The following DLGAP2 variants were observed in gnomAD, a reference collection of about 807,000 sequenced individuals.
The protein encoded by DLGAP2 is DLG associated protein 2.
Under a neutral mutation model 100.3 loss-of-function variants are expected in DLGAP2, and 26 were observed. The observed-to-expected ratio is 0.26, with a 90% CI of 0.19 to 0.36. DLGAP2 has a LOEUF of 0.36. DLGAP2 is among the 10% of genes least tolerant of loss of function. The probability of loss-of-function intolerance (pLI) is 1.00; values close to 1 mark genes in which losing one functional copy is unlikely to be tolerated. For synonymous variants in DLGAP2, 886 were observed against 630.1 expected, an observed-to-expected ratio of 1.41 and a Z score of -6.08; for missense variants, 1,858 against 1,453.2, an observed-to-expected ratio of 1.28 and a Z score of -4.53.
intron 2 of DLGAP2, among the ~76,000 whole-genome samples, chr8:1,193,018 C>T (rs1437802562): frequency 1.3e-5 from 2 of 151,986 alleles, no homozygotes; most frequent in Non-Finnish European, 1.5e-5. Flanking sequence ...ATTTTTATGG[C>T]TGCATAGTAT....
chr8:1,658,617 T>C (rs1798338246), intron 8 of DLGAP2, among the ~76,000 whole-genome samples: 1 of 152,202 alleles, frequency 6.6e-6, no homozygotes, highest in Admixed American at 6.5e-5. Context: ...CTAGATTTTC[T>C]AGTTTATCTG....
rs532211143 is a variant in DLGAP2, at chr8:1,299,671, C to A, written c.106+40788C>A. On this transcript the variant is annotated intron_variant, in intron 3 of 14. Transcript: ENST00000637795. ...TAGAAGCAATAATGCTATTCCCTAT[C>A]TAATATTTTTAAATTATTTTTTTAA... is the stretch of plus-strand genomic sequence containing the variant. Among the ~76,000 whole-genome samples the A allele has an allele frequency of 5.6e-4, 85 of 152,120 alleles. 1 individual carries two copies. Among genetic ancestry groups the A allele is most frequent in the Non-Finnish European group, 1.1e-3 (73 of 68,028 alleles).
chr8:1,688,134 C>T (rs1799161234), intron 12 of DLGAP2: 1 of 152,272 alleles, frequency 6.6e-6, no homozygotes, highest in Admixed American at 6.6e-5. Flanking sequence ...AGCGGCCCCT[C>T]CACTCCCCTC....
chr8:1,577,782 C>A (rs1309577857), intron 6 of DLGAP2, among the ~76,000 whole-genome samples: 1 of 152,048 alleles, frequency 6.6e-6, no homozygotes, highest in Non-Finnish European at 1.5e-5. Flanking sequence ...CGGATTCCCA[C>A]AGGGGCACAC....
At chr8:1,038,565 A>G (rs918353554) in intron 2 of DLGAP2, among the ~76,000 whole-genome samples, 3 of 152,264 alleles carry the variant, frequency 2.0e-5, no homozygotes, top group African/African-American at 7.2e-5. Context: ...AAACGTTAGG[A>G]GTAATTCTCA....
chr8:1,117,706 G>T (rs1038179384), intron 2 of DLGAP2, among the ~76,000 whole-genome samples: 1 of 152,142 alleles, frequency 6.6e-6, no homozygotes, highest in Non-Finnish European at 1.5e-5. Context: ...AGAGGAGGGG[G>T]AGGCGGCTGT....
intron 2 of DLGAP2, among the ~76,000 whole-genome samples, chr8:979,803 C>G (rs930796821): frequency 1.3e-5 from 2 of 152,226 alleles, no homozygotes; most frequent in African/African-American, 2.4e-5. Context: ...AGTTTTGTCA[C>G]ATGGCCTGCC....
chr8:1,444,771 CTTTTTTTT>C (rs914045708), intron 3 of DLGAP2, among the ~76,000 whole-genome samples: 11 of 79,852 alleles, frequency 1.4e-4, no homozygotes, highest in African/African-American at 5.5e-4. Flanking sequence ...CCAGGTCATT[CTTTTTTTT>C]TTTTTTTTTT....
At chr8:1,195,998 C>A (rs1161970177) in intron 2 of DLGAP2, among the ~76,000 whole-genome samples, 2 of 152,196 alleles carry the variant, frequency 1.3e-5, no homozygotes, top group African/African-American at 4.8e-5. Context: ...GGGATGCTCA[C>A]GTTCGTGAGC....
chr8:954,052 A>C (rs1799541901), intron 2 of DLGAP2, among the ~76,000 whole-genome samples: 1 of 152,200 alleles, frequency 6.6e-6, no homozygotes, highest in Admixed American at 6.5e-5. Flanking sequence ...GTGCACTGTT[A>C]GGCAACCCTC....
At chr8:1,339,372 T>A (rs1388764586) in intron 3 of DLGAP2, among the ~76,000 whole-genome samples, 1 of 149,438 alleles carries the variant, frequency 6.7e-6, no homozygotes, top group Non-Finnish European at 1.5e-5. Context: ...GTGACTTCAG[T>A]AAGGCGTCAG....
intron 3 of DLGAP2, among the ~76,000 whole-genome samples, chr8:1,468,363 A>C (rs1292086211): frequency 6.6e-6 from 1 of 151,716 alleles, no homozygotes; most frequent in Admixed American, 6.6e-5. Flanking sequence ...CTGAGTCCCC[A>C]GCAGCCTCAG....
At chr8:1,547,890 T>G (rs929973740) in intron 4 of DLGAP2, among the ~76,000 whole-genome samples, 14 of 152,198 alleles carry the variant, frequency 9.2e-5, no homozygotes, top group African/African-American at 3.4e-4. Flanking sequence ...AACAAACGAT[T>G]TCACGATTAA....
chr8:1,278,247 T>C (rs1029999674), intron 3 of DLGAP2, among the ~76,000 whole-genome samples: 8 of 152,308 alleles, frequency 5.3e-5, no homozygotes, highest in South Asian at 2.1e-4. Context: ...ATTTTATCTA[T>C]AAAAGTGGAA....
At chr8:1,379,186 C>G (rs951730279) in intron 3 of DLGAP2, among the ~76,000 whole-genome samples, 1 of 152,280 alleles carries the variant, frequency 6.6e-6, no homozygotes, top group Non-Finnish European at 1.5e-5. Flanking sequence ...ACGGGGCCAC[C>G]CGCTGCCATC....
At chr8:1,290,817 G>A (rs913541834) in intron 3 of DLGAP2, among the ~76,000 whole-genome samples, 24 of 152,170 alleles carry the variant, frequency 1.6e-4, no homozygotes, top group Non-Finnish European at 3.5e-4. Context: ...AAACAATACT[G>A]TGTAAGGTGG....
At chr8:1,363,127 T>C (rs925811387) in intron 3 of DLGAP2, among the ~76,000 whole-genome samples, 1 of 152,180 alleles carries the variant, frequency 6.6e-6, no homozygotes, top group Non-Finnish European at 1.5e-5. Context: ...AAAAAGAAAA[T>C]ACCATGTGGG....
At chr8:1,117,344 G>A (rs959225695) in intron 2 of DLGAP2, among the ~76,000 whole-genome samples, 4 of 152,234 alleles carry the variant, frequency 2.6e-5, no homozygotes, top group African/African-American at 4.8e-5. Flanking sequence ...CTGGGGATGC[G>A]GTGACGATGC....
chr8:1,340,199 C>G (rs541406091), intron 3 of DLGAP2, among the ~76,000 whole-genome samples: 2 of 152,110 alleles, frequency 1.3e-5, no homozygotes, highest in Non-Finnish European at 2.9e-5. Context: ...GACAGAGACA[C>G]CAAAAGCAAT....
Sources: gnomAD v4.1 joint callset for allele counts (sites outside exome capture counted in the v4.1 genomes callset) on GRCh38, gnomAD v4.1.1 for gene constraint, MANE v1.5 for transcripts, NCBI Gene and HGNC (gene_info 2026-07-23, HGNC 2026-07-21) for gene names.